SLC4A4: variants seen among roughly 807,000 people sequenced by gnomAD.
SLC4A4 encodes the protein solute carrier family 4 member 4.
SLC4A4 carries 27 observed loss-of-function variants against 111.5 expected under a neutral mutation model. The observed-to-expected ratio is 0.24, with a 90% CI of 0.18 to 0.33. The LOEUF is 0.33. SLC4A4 is among the 10% of genes least tolerant of loss of function. The pLI, the probability that SLC4A4 is intolerant of heterozygous loss-of-function variation, is 1.00. For missense variants in SLC4A4, 909 were observed against 1,315.5 expected (o/e 0.69, Z 4.78); for synonymous variants, 443 against 463.4 (o/e 0.96, Z 0.57).
At chr4:71,252,924 TA>T (rs927862427) in intron 2 of SLC4A4, among the ~76,000 whole-genome samples, 2 of 152,162 alleles carry the variant, frequency 1.3e-5, no homozygotes, top group Non-Finnish European at 2.9e-5. Context: ...AAGGTGATTT[TA>T]AAATGCCTAA....
chr4:71,186,528 G>A (rs1010061412), upstream of SLC4A4, among the ~76,000 whole-genome samples: 4 of 152,178 alleles, frequency 2.6e-5, no homozygotes, highest in Middle Eastern at 6.8e-3. Context: ...AGGCAAGAGC[G>A]GCCGGTCCGG....
intron 2 of SLC4A4, among the ~76,000 whole-genome samples, chr4:71,249,206 T>C (rs1382807982): frequency 6.6e-6 from 1 of 152,126 alleles, no homozygotes; most frequent in Non-Finnish European, 1.5e-5. Context: ...ACATTTGTCA[T>C]TTGCTTGCAT....
rs181198813 is a variant in SLC4A4 at position 71,093,027 on chromosome 4, G to A, written c.-2+235G>A. On this transcript the variant is annotated intron_variant, in intron 2 of 26. Transcript: ENST00000649996. ...GGAGAATCACTTGAACTCAGGAGGC[G>A]GAGGTTGCAGTGAACCGAGATCACG... 4.8e-3 allele frequency among the ~76,000 whole-genome samples: 719 copies of A among 149,592 alleles called. 7 individuals are homozygous for A. The highest frequency in any genetic ancestry group is 0.017 in the African/African-American group (668 of 40,190).
chr4:71,296,574 A>C (rs148173196), intron 3 of SLC4A4, among the ~76,000 whole-genome samples: 3 of 152,302 alleles, frequency 2.0e-5, no homozygotes, highest in African/African-American at 7.2e-5. Flanking sequence ...TGGTAGACTA[A>C]ATTATAATGT....
chr4:71,157,472 T>C (rs901500936), intron 2 of SLC4A4, among the ~76,000 whole-genome samples: 4 of 152,176 alleles, frequency 2.6e-5, no homozygotes, highest in Admixed American at 2.6e-4. Flanking sequence ...AATTTTAAGA[T>C]TTTTTATGTC....
rs1041471472 is a variant in SLC4A4, at chr4:71,390,533, G to C, written c.731-7044G>C. On this transcript the variant is annotated intron_variant, in intron 6 of 25. Transcript: ENST00000264485. Reference sequence around the variant, plus strand: ...CTATTTAATTAGAATGGCAAACAGAGTGGCTAAGTTCAATATTTCCCCCCT... The same window carrying C: ...CTATTTAATTAGAATGGCAAACAGACTGGCTAAGTTCAATATTTCCCCCCT... 2.0e-5 allele frequency among the ~76,000 whole-genome samples: 3 copies of C among 152,092 alleles called. No homozygotes were observed. In the South Asian group the frequency reaches 6.2e-4, roughly 32 times the overall value.
At chr4:71,318,180 C>T (rs941073162) in intron 3 of SLC4A4, among the ~76,000 whole-genome samples, 3 of 151,942 alleles carry the variant, frequency 2.0e-5, no homozygotes, top group Non-Finnish European at 4.4e-5. Context: ...TTTGTACACA[C>T]CCCAAATAAC....
chr4:71,182,178 G>A (rs747624596), intron 2 of SLC4A4, among the ~76,000 whole-genome samples: 5 of 152,200 alleles, frequency 3.3e-5, no homozygotes, highest in Non-Finnish European at 5.9e-5. Flanking sequence ...TTGGTTGACT[G>A]AATGGATGAC....
At chr4:71,371,264 G>A (rs1209327062) in intron 6 of SLC4A4, among the ~76,000 whole-genome samples, 6 of 25,982 alleles carry the variant, frequency 2.3e-4, no homozygotes, top group Non-Finnish European at 4.8e-4. Context: ...TTTTTTTTTT[G>A]GTACAGTCTT....
chr4:71,567,995 C>CTGTGACCAAAA lies in SLC4A4; in HGVS notation c.*244_*245insTGTGACCAAAA. On this transcript the variant is annotated 3_prime_UTR_variant, in exon 26 of 26. Transcript: ENST00000264485. ...CTTTTATTTCGTCTCAGTTTTTGGT[C>CTGTGACCAAAA]ACAGGCCAAATAATACAGCGCTCTC... The CTGTGACCAAAA allele has an allele frequency of 2.8e-6, 2 of 725,398 alleles. No individual in the cohort carries two copies. The highest frequency in any genetic ancestry group is 4.8e-6 in the Non-Finnish European group (2 of 419,508). 44.9% of individuals were successfully genotyped at this position (725,398 alleles called of 1,614,324 possible).
At chr4:71,076,888 G>A (rs1002109654) in intron 1 of SLC4A4, among the ~76,000 whole-genome samples, 3 of 151,952 alleles carry the variant, frequency 2.0e-5, no homozygotes, top group Admixed American at 6.5e-5. Context: ...TTCTTGGGAG[G>A]CTGAGACAGG....
intron 16 of SLC4A4, among the ~76,000 whole-genome samples, chr4:71,514,527 G>A (rs1732206762): frequency 6.6e-6 from 1 of 152,130 alleles, no homozygotes; most frequent in Non-Finnish European, 1.5e-5. Context: ...GACTAATACA[G>A]AAAAATTCCC....
At chr4:71,520,345 C>T (rs541322028) in intron 16 of SLC4A4, among the ~76,000 whole-genome samples, 1 of 152,300 alleles carries the variant, frequency 6.6e-6, no homozygotes, top group Non-Finnish European at 1.5e-5. Context: ...AACACTTAGA[C>T]TTCTCTTTTA....
intron 2 of SLC4A4, among the ~76,000 whole-genome samples, chr4:71,246,707 A>G (rs1428785883): frequency 6.6e-6 from 1 of 151,490 alleles, no homozygotes; most frequent in Non-Finnish European, 1.5e-5. Flanking sequence ...CTCAATAATT[A>G]CTAACTTGAA....
At chr4:71,462,346 C>T (rs1726908556) in intron 12 of SLC4A4, among the ~76,000 whole-genome samples, 1 of 151,772 alleles carries the variant, frequency 6.6e-6, no homozygotes, top group Non-Finnish European at 1.5e-5. Flanking sequence ...GTCCCTGACT[C>T]CAAGACATGC....
chr4:71,180,665 T>A lies in SLC4A4; in HGVS notation c.-1-55911T>A, dbSNP rs370641030. Among the ~76,000 whole-genome samples the A allele has an allele frequency of 3.0e-3, 461 of 152,162 alleles. 2 individuals are homozygous for A. Among genetic ancestry groups the A allele is most frequent in the South Asian group, 0.016 (77 of 4,826 alleles). On this transcript the variant is annotated intron_variant, in intron 2 of 26. Coordinates refer to the SLC4A4 transcript ENST00000649996. The stretch of plus-strand genomic sequence containing the variant: ...CCACAATGAGATACCATCTCACACC[T>A]GTTAGAATGGCAATCATTAAAAAGT...
intron 12 of SLC4A4, among the ~76,000 whole-genome samples, chr4:71,462,505 T>C (rs1726936276): frequency 1.4e-5 from 2 of 147,176 alleles, no homozygotes. Flanking sequence ...GCCTCCTGGG[T>C]TCAAGCAATT....
chr4:71,380,628 C>A (rs2148949799), intron 6 of SLC4A4, among the ~76,000 whole-genome samples: 1 of 152,304 alleles, frequency 6.6e-6, no homozygotes, highest in East Asian at 1.9e-4. Context: ...TGGTTATTAT[C>A]ATGAGTAAGA....
intron 2 of SLC4A4, among the ~76,000 whole-genome samples, chr4:71,157,359 A>G (rs1268269750): frequency 6.6e-6 from 1 of 152,158 alleles, no homozygotes; most frequent in Admixed American, 6.5e-5. Context: ...TATTAATACA[A>G]TATATATTAA....
Sources: gnomAD v4.1 joint callset for allele counts (sites outside exome capture counted in the v4.1 genomes callset) on GRCh38, gnomAD v4.1.1 for gene constraint, MANE v1.5 for transcripts, NCBI Gene and HGNC (gene_info 2026-07-23, HGNC 2026-07-21) for gene names.